PID1: variants seen among roughly 807,000 people sequenced by gnomAD.
PID1 encodes the protein PTB-containing, cubilin and LRP1-interacting protein.
Under a neutral mutation model 19.1 loss-of-function variants are expected in PID1, and 10 were observed. The observed-to-expected ratio is 0.52, with a 90% CI of 0.32 to 0.89. PID1 has a LOEUF of 0.89. Ranked by LOEUF, PID1 falls within the 40% of genes least tolerant of loss-of-function variation. The probability of loss-of-function intolerance (pLI) is 0.03; values close to 1 mark genes in which losing one functional copy is unlikely to be tolerated. For synonymous variants in PID1, 130 were observed against 116.0 expected (o/e 1.12, Z -0.78); for missense variants, 248 against 285.3 (o/e 0.87, Z 0.94).
rs182619453 is a variant in PID1, at chr2:229,052,337, T to A, written c.178-26229A>T. On this transcript the variant is annotated intron_variant, in intron 2 of 2. Transcript: ENST00000392055. ...ATATACTATGAATGTTTGCACCAAA[T>A]AAATTTCAGACTTCTTTATAATACT... Among the ~76,000 whole-genome samples, 500 of 152,242 alleles carry A rather than the reference T, an allele frequency of 3.3e-3. 1 individual carries two copies. The highest frequency in any genetic ancestry group is 6.8e-3 in the Middle Eastern group (2 of 294).
chr2:229,237,768 A>T, intron 1 of PID1, among the ~76,000 whole-genome samples: 1 of 152,188 alleles, frequency 6.6e-6, no homozygotes. Context: ...ACGTATAAAT[A>T]CTTATTTGAA....
At chr2:229,155,780 C>G (rs1690358602) in intron 2 of PID1, 38 bp downstream of exon 2, 2 of 1,561,066 alleles carry the variant, frequency 1.3e-6, no homozygotes, top group African/African-American at 2.7e-5. Flanking sequence ...TTGAGGCTAT[C>G]TCACCAAGAG....
chr2:229,239,119 A>T (rs1271407552), intron 1 of PID1, among the ~76,000 whole-genome samples: 1 of 152,136 alleles, frequency 6.6e-6, no homozygotes, highest in Non-Finnish European at 1.5e-5. Flanking sequence ...ACAAGTTCTC[A>T]AACTTCATAG....
At chr2:229,261,145 A>G (rs1266834919) in intron 1 of PID1, among the ~76,000 whole-genome samples, 1 of 152,144 alleles carries the variant, frequency 6.6e-6, no homozygotes, top group Non-Finnish European at 1.5e-5. Flanking sequence ...GTAAACTACC[A>G]GCAGCTAGGA....
intron 1 of PID1, among the ~76,000 whole-genome samples, chr2:229,245,313 A>G (rs1689971838): frequency 6.6e-6 from 1 of 152,138 alleles, no homozygotes; most frequent in African/African-American, 2.4e-5. Flanking sequence ...TAACACTCCA[A>G]GCCTCCTGGT....
At chr2:229,249,893 C>T (rs1483246676) in intron 1 of PID1, among the ~76,000 whole-genome samples, 1 of 152,140 alleles carries the variant, frequency 6.6e-6, no homozygotes, top group Non-Finnish European at 1.5e-5. Flanking sequence ...TACGAAACAA[C>T]ATTAGCAAAA....
chr2:229,064,465 C>T (rs1477583277), intron 2 of PID1, among the ~76,000 whole-genome samples: 1 of 152,052 alleles, frequency 6.6e-6, no homozygotes, highest in Admixed American at 6.6e-5. Flanking sequence ...GTTTAGGGCA[C>T]AGGGAAATGG....
intron 2 of PID1, among the ~76,000 whole-genome samples, chr2:229,141,227 C>T (rs76604123): frequency 0.025 from 3,845 of 151,696 alleles, 181 homozygotes; most frequent in African/African-American, 0.089. Flanking sequence ...TCCATTTCTC[C>T]TATTGATGAT....
chr2:229,040,264 C>CA (rs961985157), intron 2 of PID1, among the ~76,000 whole-genome samples: 7 of 151,456 alleles, frequency 4.6e-5, no homozygotes, highest in South Asian at 2.1e-4. Flanking sequence ...ACTAAAAATA[C>CA]AAAAAAAATC....
At chr2:229,122,223 T>C (rs569637544) in intron 2 of PID1, among the ~76,000 whole-genome samples, 1 of 152,310 alleles carries the variant, frequency 6.6e-6, no homozygotes, top group Non-Finnish European at 1.5e-5. Context: ...TTGTAAAAAG[T>C]GGCAGAAAGA....
chr2:229,124,052 T>C (rs1695575606), intron 2 of PID1, among the ~76,000 whole-genome samples: 2 of 152,276 alleles, frequency 1.3e-5, no homozygotes, highest in South Asian at 4.1e-4. Context: ...TATGTTAAAA[T>C]ATGGCGAGAC....
chr2:229,195,221 C>T (rs1410587709), intron 1 of PID1, among the ~76,000 whole-genome samples: 3 of 151,798 alleles, frequency 2.0e-5, no homozygotes, highest in Non-Finnish European at 2.9e-5. Flanking sequence ...ATTCTAGTTT[C>T]TATACCAGTC....
intron 2 of PID1, among the ~76,000 whole-genome samples, chr2:229,133,925 C>A (rs1689800683): frequency 6.6e-6 from 1 of 151,478 alleles, no homozygotes; most frequent in Non-Finnish European, 1.5e-5. Flanking sequence ...TAATGCTATC[C>A]CTCCCACCTC....
chr2:229,072,513 G>A (rs972769370), intron 2 of PID1, among the ~76,000 whole-genome samples: 3 of 152,046 alleles, frequency 2.0e-5, no homozygotes, highest in Non-Finnish European at 4.4e-5. Context: ...ACTTGAACCC[G>A]GGAAGTGGAG....
chr2:229,098,151 C>G (rs1695007083), intron 2 of PID1, among the ~76,000 whole-genome samples: 1 of 152,208 alleles, frequency 6.6e-6, no homozygotes, highest in African/African-American at 2.4e-5. Context: ...CAACAGCTAA[C>G]AGGTGCGCTC....
chr2:229,030,613 A>C (rs557341810), intron 2 of PID1, among the ~76,000 whole-genome samples: 1 of 152,184 alleles, frequency 6.6e-6, no homozygotes, highest in African/African-American at 2.4e-5. Context: ...TTTTTCTAAA[A>C]ATTGCATACA....
chr2:229,115,975 C>T (rs957241698), intron 2 of PID1, among the ~76,000 whole-genome samples: 2 of 152,062 alleles, frequency 1.3e-5, no homozygotes, highest in Non-Finnish European at 2.9e-5. Context: ...GATCCCAGCA[C>T]TTTGGGAGGC....
At chr2:229,104,952 C>A (rs1322827660) in intron 2 of PID1, among the ~76,000 whole-genome samples, 1 of 152,144 alleles carries the variant, frequency 6.6e-6, no homozygotes, top group South Asian at 2.1e-4. Flanking sequence ...AAAATACAGA[C>A]AGACACAGAC....
At chr2:229,174,672 T>C (rs1690780010) in intron 1 of PID1, among the ~76,000 whole-genome samples, 1 of 143,830 alleles carries the variant, frequency 7.0e-6, no homozygotes, top group Non-Finnish European at 1.6e-5. Context: ...AGATTTTTTT[T>C]GCCCCTCCCC....
Sources: gnomAD v4.1 joint callset for allele counts (sites outside exome capture counted in the v4.1 genomes callset) on GRCh38, gnomAD v4.1.1 for gene constraint, MANE v1.5 for transcripts, NCBI Gene and HGNC (gene_info 2026-07-23, HGNC 2026-07-21) for gene names.